Variants in PRKG1 observed in about 807,000 individuals in gnomAD.
PRKG1 encodes the protein protein kinase cGMP-dependent 1.
Under a neutral mutation model 88.1 loss-of-function variants are expected in PRKG1, and 35 were observed. The ratio of observed to expected loss-of-function variants is 0.40; its 90% CI spans 0.30 to 0.53. PRKG1 has a LOEUF of 0.53. Among genes scored for constraint, PRKG1 ranks in the 20% least tolerant of loss-of-function variants. PRKG1 has a pLI of 0.59. For synonymous variants in PRKG1, 303 were observed against 292.5 expected, an observed-to-expected ratio of 1.04 and a Z score of -0.37; for missense variants, 540 against 839.8, an observed-to-expected ratio of 0.64 and a Z score of 4.41.
chr10:51,937,689 T>G (rs1842824748), intron 5 of PRKG1, among the ~76,000 whole-genome samples: 1 of 152,060 alleles, frequency 6.6e-6, no homozygotes, highest in South Asian at 2.1e-4. Flanking sequence ...AGACTTCTGG[T>G]CAGCATGCTA....
chr10:51,506,280 G>T lies in PRKG1; in HGVS notation c.592+38444G>T, dbSNP rs374869304. ...CATGTCTAAAACACCAAAAGCAATGGCAACAAAAGCCAAAATTGACAAATG... is the reference window on the plus strand; with the variant it reads ...CATGTCTAAAACACCAAAAGCAATGTCAACAAAAGCCAAAATTGACAAATG... On this transcript the variant is annotated intron_variant, in intron 3 of 17. Transcript: ENST00000373980. 7.2e-5 allele frequency among the ~76,000 whole-genome samples: 11 copies of T among 152,150 alleles called. No homozygotes were observed. The South Asian group carries it at 2.3e-3, about 32-fold the overall frequency.
At chr10:52,050,173 G>A (rs971066009) in intron 5 of PRKG1, among the ~76,000 whole-genome samples, 10 of 152,148 alleles carry the variant, frequency 6.6e-5, no homozygotes, top group African/African-American at 2.2e-4. Flanking sequence ...CAGTAGGAGT[G>A]CTCAGGCCTG....
At chr10:52,136,936 T>G (rs1010779722) in intron 8 of PRKG1, among the ~76,000 whole-genome samples, 1 of 152,182 alleles carries the variant, frequency 6.6e-6, no homozygotes, top group Admixed American at 6.6e-5. Context: ...TTGTATACTC[T>G]TAGCAGAGAA....
chr10:52,227,872 A>C (rs1840428595), intron 9 of PRKG1, among the ~76,000 whole-genome samples: 1 of 152,162 alleles, frequency 6.6e-6, no homozygotes, highest in Non-Finnish European at 1.5e-5. Flanking sequence ...GTAATGCGTG[A>C]GAAATCATTT....
intron 3 of PRKG1, among the ~76,000 whole-genome samples, chr10:51,582,630 G>A (rs1225543158): frequency 2.0e-5 from 3 of 152,016 alleles, no homozygotes; most frequent in Non-Finnish European, 2.9e-5. Flanking sequence ...CAAAGGACAT[G>A]ATCTCATTCC....
At chr10:51,963,880 T>G (rs980202316) in intron 5 of PRKG1, among the ~76,000 whole-genome samples, 11 of 152,320 alleles carry the variant, frequency 7.2e-5, no homozygotes, top group African/African-American at 2.6e-4. Flanking sequence ...CACTAGATGC[T>G]GTATTAGTTT....
chr10:52,254,411 C>T (rs1841259671), intron 10 of PRKG1, among the ~76,000 whole-genome samples: 1 of 151,932 alleles, frequency 6.6e-6, no homozygotes, highest in Non-Finnish European at 1.5e-5. Context: ...TACTTAGTGT[C>T]TTAGTTTAGC....
At chr10:51,768,131 T>A (rs1404361675) in intron 3 of PRKG1, among the ~76,000 whole-genome samples, 1 of 152,206 alleles carries the variant, frequency 6.6e-6, no homozygotes, top group East Asian at 1.9e-4. Flanking sequence ...ATAAATGTAG[T>A]TGTTTTCATG....
chr10:52,058,985 C>A (rs1846173690), intron 6 of PRKG1, among the ~76,000 whole-genome samples: 1 of 151,570 alleles, frequency 6.6e-6, no homozygotes, highest in Non-Finnish European at 1.5e-5. Flanking sequence ...CACCAAAGTA[C>A]CCACTTTAAA....
chr10:51,913,769 A>G (rs927208587), intron 5 of PRKG1, among the ~76,000 whole-genome samples: 3 of 152,202 alleles, frequency 2.0e-5, no homozygotes, highest in African/African-American at 7.2e-5. Flanking sequence ...TCAAATCGAG[A>G]CAATAAATAT....
chr10:50,997,970 C>T (rs1008032366), intron 1 of PRKG1, among the ~76,000 whole-genome samples: 1 of 152,176 alleles, frequency 6.6e-6, no homozygotes, highest in African/African-American at 2.4e-5. Context: ...ACTGTGAAAA[C>T]CCTCTAGGTT....
At chr10:51,207,994 T>C (rs748554257) in intron 2 of PRKG1, among the ~76,000 whole-genome samples, 2 of 152,272 alleles carry the variant, frequency 1.3e-5, no homozygotes. Flanking sequence ...ATTAACTGAA[T>C]GTCTTTGATG....
chr10:51,936,854 A>T (rs1005718415), intron 5 of PRKG1, among the ~76,000 whole-genome samples: 1 of 152,058 alleles, frequency 6.6e-6, no homozygotes, highest in African/African-American at 2.4e-5. Context: ...GAAGCTTATG[A>T]CATTCATATT....
intron 1 of PRKG1, among the ~76,000 whole-genome samples, chr10:51,038,582 G>A (rs1228108764): frequency 6.6e-6 from 1 of 152,162 alleles, no homozygotes; most frequent in Non-Finnish European, 1.5e-5. Context: ...AGCATGTGAA[G>A]TTTATCTTTT....
In PRKG1 at chr10:51,974,484, T is replaced by G. The variant is rs1164053049; in HGVS notation, c.762+66914T>G. Among the ~76,000 whole-genome samples, 3 of 152,146 alleles carry G rather than the reference T, an allele frequency of 2.0e-5. No homozygotes were observed. In the East Asian group the frequency reaches 5.8e-4, roughly 29 times the overall value. On this transcript the variant is annotated intron_variant, in intron 5 of 17. Coordinates refer to ENST00000373980, the MANE Select transcript of PRKG1 (RefSeq NM_006258.4). ...AGTCCAAACTTGATCCATCGTTTAG[T>G]GCCTTCTGTGCTCTGGATCCAACTT...
intron 2 of PRKG1, among the ~76,000 whole-genome samples, chr10:51,281,967 T>C (rs1482147991): frequency 6.6e-6 from 1 of 152,154 alleles, no homozygotes; most frequent in Non-Finnish European, 1.5e-5. Context: ...GGTGCTGGGG[T>C]ATTAATATGT....
intron 5 of PRKG1, among the ~76,000 whole-genome samples, chr10:51,948,151 A>C (rs7092840): frequency 0.069 from 10,568 of 152,190 alleles, 1,149 homozygotes; most frequent in African/African-American, 0.23. Flanking sequence ...TTACATTGTT[A>C]CCTCAAACAA....
intron 9 of PRKG1, among the ~76,000 whole-genome samples, chr10:52,211,136 C>T (rs1023489138): frequency 1.3e-5 from 2 of 152,066 alleles, no homozygotes; most frequent in African/African-American, 2.4e-5. Flanking sequence ...AATCAGTTAT[C>T]GGATAGTCTG....
chr10:51,917,500 A>T (rs1276993435), intron 5 of PRKG1, among the ~76,000 whole-genome samples: 1 of 152,136 alleles, frequency 6.6e-6, no homozygotes, highest in Non-Finnish European at 1.5e-5. Flanking sequence ...ATGGACTTTG[A>T]TTTCAGTTGT....
Sources: allele counts gnomAD v4.1 joint callset (sites outside exome capture counted in the v4.1 genomes callset), GRCh38; gene constraint gnomAD v4.1.1; transcripts MANE v1.5; gene names NCBI Gene and HGNC (gene_info 2026-07-23, HGNC 2026-07-21).